The following PHF20 variants were observed in gnomAD, a reference collection of about 807,000 sequenced individuals.
The protein encoded by PHF20 is PHD finger protein 20.
A neutral mutation model predicts 113.5 loss-of-function variants in PHF20; 23 were observed. The observed-to-expected ratio is 0.20, with a 90% CI of 0.15 to 0.29. The LOEUF (loss-of-function observed/expected upper bound fraction) is 0.29, where lower values mean the gene tolerates loss of function less well. PHF20 is among the 10% of genes least tolerant of loss of function. The probability of loss-of-function intolerance (pLI) is 1.00; values close to 1 mark genes in which losing one functional copy is unlikely to be tolerated. For missense variants in PHF20, 943 were observed against 1,219.6 expected (o/e 0.77, Z 3.38); for synonymous variants, 434 against 457.3 (o/e 0.95, Z 0.65).
chr20:35,893,340 C>T (rs1309591035), intron 9 of PHF20, among the ~76,000 whole-genome samples: 2 of 148,672 alleles, frequency 1.3e-5, no homozygotes, highest in Non-Finnish European at 3.0e-5. Context: ...GATGGAGTTT[C>T]GCTCTTGTCA....
chr20:35,848,262 AT>A (rs1002404225), intron 4 of PHF20, among the ~76,000 whole-genome samples: 5 of 149,848 alleles, frequency 3.3e-5, no homozygotes, highest in South Asian at 2.1e-4. Flanking sequence ...TCTGAGAATG[AT>A]TTTTTTTTTC....
chr20:35,937,923 G>C (rs1461913815), intron 15 of PHF20, among the ~76,000 whole-genome samples: 3 of 152,092 alleles, frequency 2.0e-5, no homozygotes, highest in Non-Finnish European at 4.4e-5. Flanking sequence ...CCAGGCTGGA[G>C]TGCAGTGGCG....
At chr20:35,858,672 G>T (rs2042881914) in intron 5 of PHF20, among the ~76,000 whole-genome samples, 1 of 152,232 alleles carries the variant, frequency 6.6e-6, no homozygotes, top group African/African-American at 2.4e-5. Context: ...CTGGGTTCAA[G>T]CAATTCTCCT....
At chr20:35,897,559 CT>C (rs150122625) in intron 9 of PHF20, among the ~76,000 whole-genome samples, 8,886 of 107,674 alleles carry the variant, frequency 0.083, 134 homozygotes, top group African/African-American at 0.12. Context: ...TTCTGGATCC[CT>C]TTTTTTTTTT....
At chr20:35,898,509 C>T (rs1220492051) in intron 9 of PHF20, among the ~76,000 whole-genome samples, 2 of 152,292 alleles carry the variant, frequency 1.3e-5, no homozygotes, top group African/African-American at 4.8e-5. Flanking sequence ...GATCTCAGCT[C>T]ACTGCAACTT....
intron 17 of PHF20, among the ~76,000 whole-genome samples, chr20:35,945,566 A>G (rs1163876884): frequency 6.6e-6 from 1 of 152,098 alleles, no homozygotes; most frequent in African/African-American, 2.4e-5. Context: ...TGCTTGATGA[A>G]GAGGTACTGG....
chr20:35,859,985 A>G (rs2054189148), intron 5 of PHF20, among the ~76,000 whole-genome samples: 1 of 152,050 alleles, frequency 6.6e-6, no homozygotes, highest in Non-Finnish European at 1.5e-5. Context: ...CAGTGGCCCA[A>G]TCTCTGCTCA....
intron 2 of PHF20, among the ~76,000 whole-genome samples, chr20:35,830,073 C>T (rs1228292723): frequency 2.0e-5 from 3 of 152,216 alleles, no homozygotes; most frequent in Non-Finnish European, 2.9e-5. Flanking sequence ...GCCGCCATGC[C>T]TGGCTAATTT....
At chr20:35,783,702 C>T (rs1346251564) in intron 1 of PHF20, among the ~76,000 whole-genome samples, 2 of 151,592 alleles carry the variant, frequency 1.3e-5, no homozygotes, top group Non-Finnish European at 2.9e-5. Context: ...CTGGGATTGG[C>T]CGGGCATGGT....
intron 1 of PHF20, among the ~76,000 whole-genome samples, chr20:35,797,158 T>G (rs1342001389): frequency 2.0e-5 from 3 of 151,954 alleles, no homozygotes; most frequent in African/African-American, 7.2e-5. Context: ...CCCAAAGTGC[T>G]GGGATTATAG....
At chr20:35,779,577 T>C (rs903446746) in intron 1 of PHF20, among the ~76,000 whole-genome samples, 53 of 151,650 alleles carry the variant, frequency 3.5e-4, no homozygotes, top group African/African-American at 9.4e-4. Context: ...AGAAGTGCAG[T>C]GGTGCAACCT....
intron 2 of PHF20, among the ~76,000 whole-genome samples, chr20:35,824,127 G>A (rs6119655): frequency 0.25 from 37,880 of 152,064 alleles, 5,638 homozygotes; most frequent in African/African-American, 0.42. Context: ...TGTTTAACCA[G>A]GTGAGAAACC....
chr20:35,916,277 A>T (rs2055402139), intron 12 of PHF20, among the ~76,000 whole-genome samples: 2 of 152,258 alleles, frequency 1.3e-5, no homozygotes, highest in East Asian at 3.8e-4. Context: ...AATTTGTAAA[A>T]TAATATACAA....
At chr20:35,779,451 G>C (rs541763316) in intron 1 of PHF20, among the ~76,000 whole-genome samples, 1 of 152,146 alleles carries the variant, frequency 6.6e-6, no homozygotes, top group Non-Finnish European at 1.5e-5. Flanking sequence ...TGTCCTAGTA[G>C]AGACCTGATT....
At position 35,862,962 on chromosome 20, in the gene PHF20, T is replaced by G. The variant is rs1045409910; in HGVS notation, c.421-51T>G. ...TAAGTTTGTAAGAAACTCCTAATTT[T>G]GTATTTGCAAGTAATCACGAAGTGT... On this transcript the variant is annotated intron_variant, in intron 5 of 17. Coordinates refer to ENST00000374012, the MANE Select transcript of PHF20 (RefSeq NM_016436.5). 3 of 1,500,542 alleles carry G rather than the reference T, an allele frequency of 2.0e-6. No homozygotes were observed. In the African/African-American group the frequency reaches 4.2e-5, roughly 21 times the overall value. The allele number at this position is 1,500,542 out of a possible 1,614,324, so 93.0% of individuals were successfully genotyped here.
intron 13 of PHF20, among the ~76,000 whole-genome samples, chr20:35,925,641 A>G (rs966116222): frequency 6.6e-6 from 1 of 152,052 alleles, no homozygotes; most frequent in African/African-American, 2.4e-5. Flanking sequence ...GTCCAGGAAC[A>G]GGGTGCACTG....
chr20:35,830,302 A>C (rs748309943), intron 2 of PHF20, among the ~76,000 whole-genome samples: 2 of 152,142 alleles, frequency 1.3e-5, no homozygotes, highest in African/African-American at 4.8e-5. Flanking sequence ...GGTAACCTCT[A>C]TTCTGCTTTC....
At position 35,879,124 on chromosome 20, in the gene PHF20, C is replaced by T. The variant is rs537322625; in HGVS notation, c.1282+7295C>T. 2.4e-4 allele frequency among the ~76,000 whole-genome samples: 36 copies of T among 152,222 alleles called. 1 individual carries two copies. In the Middle Eastern group the frequency reaches 0.017, roughly 72 times the overall value. ...GATGTTATAGAAGAGTCCTATTTGC[C>T]CTAGTTAATTTAACTTTTTTTTTGC... On this transcript the variant is annotated intron_variant, in intron 9 of 17. Transcript: ENST00000374012.
intron 9 of PHF20, among the ~76,000 whole-genome samples, chr20:35,890,112 C>T (rs1288665835): frequency 6.6e-6 from 1 of 152,024 alleles, no homozygotes; most frequent in Non-Finnish European, 1.5e-5. Flanking sequence ...ACTGCAGCAT[C>T]GACCTCCTGG....
Sources: allele counts gnomAD v4.1 joint callset (sites outside exome capture counted in the v4.1 genomes callset), GRCh38; gene constraint gnomAD v4.1.1; transcripts MANE v1.5; gene names NCBI Gene and HGNC (gene_info 2026-07-23, HGNC 2026-07-21).